The following TLK2 variants were observed in gnomAD, a reference collection of about 807,000 sequenced individuals.
TLK2 encodes serine/threonine-protein kinase tousled-like 2.
In TLK2, 6 loss-of-function variants were observed where a neutral mutation model predicts 117.3. The ratio of observed to expected loss-of-function variants is 0.05; its 90% CI spans 0.03 to 0.10. The LOEUF is 0.10. Ranked by LOEUF, TLK2 falls within the 10% of genes least tolerant of loss-of-function variation. The pLI, the probability that TLK2 is intolerant of heterozygous loss-of-function variation, is 1.00. For missense variants in TLK2, 299 were observed against 901.2 expected (o/e 0.33, Z 8.56); for synonymous variants, 257 against 316.7 (o/e 0.81, Z 2.00).
intron 7 of TLK2, among the ~76,000 whole-genome samples, chr17:62,537,834 C>T (rs2077216019): frequency 6.6e-6 from 1 of 151,958 alleles, no homozygotes. Context: ...ATCCTATCCC[C>T]AGGTAACAAA....
In TLK2 at chr17:62,520,052, G is replaced by T. The variant is rs1220547497; in HGVS notation, c.82-721G>T. ...CCTTAGGCAAAGTATCTGAGCCAGG[G>T]TTCTAGTGGTAGACTAGGTGGGGAC... On this transcript the variant is annotated intron_variant, in intron 2 of 21. Transcript: ENST00000346027. Among the ~76,000 whole-genome samples, 19 of 152,288 alleles carry T rather than the reference G, an allele frequency of 1.2e-4. No homozygotes were observed. In the East Asian group the frequency reaches 3.7e-3, roughly 29 times the overall value.
intron 8 of TLK2, 114 bp downstream of exon 8, chr17:62,552,511 A>C (rs1226320554): frequency 6.6e-7 from 1 of 1,521,870 alleles, no homozygotes; most frequent in Admixed American, 2.1e-5. Flanking sequence ...TGACCACCTC[A>C]TTATTTGTGT....
intron 2 of TLK2, among the ~76,000 whole-genome samples, chr17:62,490,726 TAGACAGGATTTC>T (rs2073026517): frequency 6.6e-6 from 1 of 151,724 alleles, no homozygotes; most frequent in African/African-American, 2.4e-5. Flanking sequence ...ATTTTTAGTA[TAGACAGGATTTC>T]ACCATGTTGG....
chr17:62,519,535 CG>C (rs1057159350), intron 2 of TLK2, among the ~76,000 whole-genome samples: 2 of 151,994 alleles, frequency 1.3e-5, no homozygotes, highest in Non-Finnish European at 2.9e-5. Context: ...CAGCTGGGGC[CG>C]GGTGCGGTGG....
rs372311929 is a variant in TLK2 at position 62,535,845 on chromosome 17, G to C, written c.364-325G>C. Among the ~76,000 whole-genome samples, 18 of 152,086 alleles carry C rather than the reference G, an allele frequency of 1.2e-4. No homozygotes were observed. The East Asian group carries it at 3.1e-3, about 26-fold the overall frequency. On this transcript the variant is annotated intron_variant, in intron 6 of 21. Transcript: ENST00000346027. ...TGTCTTAATTTTCATTTACCTACAG[G>C]ATAGAAATAATATTTCCTGTGTAGG... is the stretch of plus-strand genomic sequence containing the variant.
intron 7 of TLK2, among the ~76,000 whole-genome samples, chr17:62,544,271 T>C (rs1469440838): frequency 7.9e-5 from 12 of 152,194 alleles, no homozygotes; most frequent in Non-Finnish European, 1.6e-4. Context: ...AATTAACTCA[T>C]AGTTCTGCAG....
rs1567758676 is a variant in TLK2, at chr17:62,481,180, A to C, written c.55A>C (p.Arg19=). The C allele has an allele frequency of 6.2e-7, 1 of 1,613,936 alleles. No individual in the cohort carries two copies. Among genetic ancestry groups the C allele is most frequent in the Non-Finnish European group, 8.5e-7 (1 of 1,179,844 alleles). ...ACGACGGCAGGAATTATTGGAGGCC[A>C]GGTTTACTGGAGTAGGTGTTAGTAA... ...DPRRQELLEA[R]FTGVGVSKGP... Residue 19 remains arginine, a synonymous_variant, in exon 2 of 22, where the codon AGG becomes CGG. Transcript: ENST00000346027.
At chr17:62,591,234 G>A (rs2082057548) in intron 16 of TLK2, among the ~76,000 whole-genome samples, 1 of 152,034 alleles carries the variant, frequency 6.6e-6, no homozygotes, top group Admixed American at 6.5e-5. Context: ...GGGCGCCAGA[G>A]CAAGACTGTC....
Position 62,600,745 on chromosome 17 carries a change from A to G in TLK2, c.1645A>G (p.Ile549Val), listed in dbSNP as rs2082814877. 6.2e-7 allele frequency: 1 copy of G among 1,613,682 alleles called. No homozygotes were observed. Among genetic ancestry groups the G allele is most frequent in the Admixed American group, 1.7e-5 (1 of 59,984 alleles). ...LMSEKEARSIIMQIVNALKYL... is the reference protein window; with the variant it reads ...LMSEKEARSIVMQIVNALKYL... ...GTCGGAGAAAGAGGCCCGGTCCATT[A>G]TCATGCAGATTGTGAATGCTTTAAA... Residue 549 changes from isoleucine (I) to valine (V), a missense_variant, in exon 18 of 22, where the codon ATC (isoleucine) becomes GTC (valine). By Grantham distance (29) the Ile-to-Val change is conservative. Transcript: ENST00000346027.
intron 7 of TLK2, among the ~76,000 whole-genome samples, chr17:62,538,391 G>A (rs1233585371): frequency 6.6e-6 from 1 of 151,986 alleles, no homozygotes. Flanking sequence ...GGATAATTAG[G>A]GAGTTATTTG....
chr17:62,522,339 C>G (rs2076100808), intron 4 of TLK2, 66 bp downstream of exon 4: 1 of 1,498,340 alleles, frequency 6.7e-7, no homozygotes, highest in African/African-American at 1.4e-5. Flanking sequence ...TTTTCTAACT[C>G]ATACTAAATA....
At chr17:62,559,884 T>C in intron 9 of TLK2, 132 bp from the exon 10 acceptor site, 1 of 532,090 alleles carries the variant, frequency 1.9e-6, no homozygotes, top group Non-Finnish European at 3.4e-6. Flanking sequence ...TAGTTACTTC[T>C]TACCTGTTTG....
chr17:62,520,835 A>G lies in TLK2; in HGVS notation c.144A>G (p.Lys48=). 1 of 1,613,090 alleles carries G rather than the reference A, an allele frequency of 6.2e-7. No homozygotes were observed. The highest frequency in any genetic ancestry group is 1.1e-5 in the South Asian group (1 of 91,064). The change falls in exon 3 of 22, where the codon AAA becomes AAG. Residue 48 remains lysine, a synonymous_variant. Transcript: ENST00000346027. Reference sequence around the variant, plus strand: ...GCAGCGTCGGATCCTTGAGTGATAAAGAAGTAGAGGTAAGAAGCTATGTTC... The same window carrying G: ...GCAGCGTCGGATCCTTGAGTGATAAGGAAGTAGAGGTAAGAAGCTATGTTC... ...SLCSVGSLSD[K]EVETPEKKQN...
intron 2 of TLK2, among the ~76,000 whole-genome samples, chr17:62,510,159 A>G (rs765659157): frequency 5.3e-5 from 8 of 152,146 alleles, no homozygotes; most frequent in Non-Finnish European, 1.2e-4. Flanking sequence ...TGTAATGCCA[A>G]CTACTTGGGA....
intron 17 of TLK2, among the ~76,000 whole-genome samples, chr17:62,599,957 T>C (rs571182421): frequency 2.2e-4 from 33 of 152,172 alleles, no homozygotes; most frequent in Non-Finnish European, 4.3e-4. Flanking sequence ...GTATGACATA[T>C]TGACATAAGG....
chr17:62,586,606 A>G (rs924516532), intron 16 of TLK2, among the ~76,000 whole-genome samples: 1 of 152,000 alleles, frequency 6.6e-6, no homozygotes, highest in Non-Finnish European at 1.5e-5. Context: ...CAGATCACGA[A>G]GTCAGGAGAT....
chr17:62,558,690 C>T (rs559499400), intron 9 of TLK2, among the ~76,000 whole-genome samples: 1 of 152,282 alleles, frequency 6.6e-6, no homozygotes, highest in East Asian at 1.9e-4. Context: ...ATCACACTTA[C>T]CCAAATGTAG....
At chr17:62,581,009 T>TTTTA (rs545318921) in intron 15 of TLK2, among the ~76,000 whole-genome samples, 4 of 151,992 alleles carry the variant, frequency 2.6e-5, no homozygotes, top group African/African-American at 4.8e-5. Context: ...TAAATTGTGG[T>TTTTA]TTTATTTATT....
At chr17:62,582,328 C>T (rs2081281974) in intron 15 of TLK2, among the ~76,000 whole-genome samples, 1 of 151,970 alleles carries the variant, frequency 6.6e-6, no homozygotes, top group Non-Finnish European at 1.5e-5. Context: ...TGATCTTCAC[C>T]CCTCAGTCTT....
Sources: allele counts gnomAD v4.1 joint callset (sites outside exome capture counted in the v4.1 genomes callset), GRCh38; gene constraint gnomAD v4.1.1; transcripts MANE v1.5; gene names NCBI Gene and HGNC (gene_info 2026-07-23, HGNC 2026-07-21).